LRP1B: variants seen among roughly 807,000 people sequenced by gnomAD.
The protein encoded by LRP1B is low-density lipoprotein receptor-related protein 1B.
LRP1B carries 217 observed loss-of-function variants against 556.6 expected under a neutral mutation model. The ratio of observed to expected loss-of-function variants is 0.39; its 90% CI spans 0.35 to 0.44. The LOEUF is 0.44. Ranked by LOEUF, LRP1B falls within the 20% of genes least tolerant of loss-of-function variation. The probability of loss-of-function intolerance (pLI) is 1.00; values close to 1 mark genes in which losing one functional copy is unlikely to be tolerated. For synonymous variants in LRP1B, 2,047 were observed against 1,865.8 expected (o/e 1.10, Z -2.50); for missense variants, 5,053 against 5,620.8 (o/e 0.90, Z 3.23).
At chr2:141,807,246 C>T (rs1281050789) in intron 2 of LRP1B, among the ~76,000 whole-genome samples, 1 of 147,024 alleles carries the variant, frequency 6.8e-6, no homozygotes, top group Non-Finnish European at 1.5e-5. Flanking sequence ...TTAAATTTGG[C>T]AAAGACTGAT....
rs115870540 is a variant in LRP1B at position 140,485,367 on chromosome 2, T to C, written c.9401A>G (p.Asp3134Gly). The C allele has an allele frequency of 3.2e-4, 519 of 1,611,352 alleles. 2 individuals are homozygous for C. In the African/African-American group the frequency reaches 5.9e-3, roughly 18 times the overall value. ...CCCAGCTTGAGGATCTAAAGACAAG[T>C]CTCTGGGAAACTTCAGCCTTTTGCT... Reference protein sequence around the residue: ...LVSKRLKFPRDLSLDPQAGYL... With the variant: ...LVSKRLKFPRGLSLDPQAGYL... Residue 3134 changes from aspartate (D) to glycine (G), a missense_variant, in exon 59 of 91, where the codon GAC becomes GGC. Coordinates refer to ENST00000389484, the MANE Select transcript of LRP1B (RefSeq NM_018557.3).
chr2:141,638,854 G>A (rs1428803988), intron 2 of LRP1B, among the ~76,000 whole-genome samples: 1 of 82,142 alleles, frequency 1.2e-5, no homozygotes, highest in African/African-American at 4.2e-5. Context: ...GAGACTGTAA[G>A]GTAGCCATAT....
chr2:141,618,609 T>G (rs1236538480), intron 2 of LRP1B, among the ~76,000 whole-genome samples: 2 of 152,204 alleles, frequency 1.3e-5, no homozygotes, highest in Admixed American at 1.3e-4. Context: ...GATCTGTCTC[T>G]CTATCCAGAA....
chr2:141,090,889 A>T (rs1352564865), intron 7 of LRP1B, among the ~76,000 whole-genome samples: 1 of 152,166 alleles, frequency 6.6e-6, no homozygotes, highest in Non-Finnish European at 1.5e-5. Context: ...TACTGATAAG[A>T]AGATTTGACT....
intron 18 of LRP1B, among the ~76,000 whole-genome samples, chr2:140,952,707 G>T (rs949235322): frequency 1.2e-4 from 19 of 152,090 alleles, no homozygotes; most frequent in Non-Finnish European, 2.4e-4. Flanking sequence ...AAATCTAAAA[G>T]ACAACACTGT....
chr2:141,741,610 A>C (rs2105543654), intron 2 of LRP1B, among the ~76,000 whole-genome samples: 1 of 152,156 alleles, frequency 6.6e-6, no homozygotes, highest in East Asian at 1.9e-4. Context: ...AGAAGTGTCT[A>C]TACAGATCTT....
chr2:141,524,223 C>T, intron 2 of LRP1B, among the ~76,000 whole-genome samples: 1 of 150,996 alleles, frequency 6.6e-6, no homozygotes, highest in East Asian at 1.9e-4. Context: ...AATAAAACTT[C>T]TATTCCATTG....
chr2:141,066,260 G>A (rs189336461), intron 7 of LRP1B, among the ~76,000 whole-genome samples: 9 of 151,918 alleles, frequency 5.9e-5, no homozygotes, highest in Admixed American at 2.0e-4. Context: ...TCATTATCCC[G>A]TCAGATATGG....
At chr2:141,044,994 A>T (rs185131457) in intron 11 of LRP1B, among the ~76,000 whole-genome samples, 31 of 151,774 alleles carry the variant, frequency 2.0e-4, no homozygotes, top group African/African-American at 7.2e-4. Flanking sequence ...AGCATTATTC[A>T]TGATAGCAAA....
intron 2 of LRP1B, among the ~76,000 whole-genome samples, chr2:141,807,824 G>A (rs1453683431): frequency 6.6e-6 from 1 of 152,034 alleles, no homozygotes; most frequent in Non-Finnish European, 1.5e-5. Flanking sequence ...ATTTTGAGTA[G>A]ATGCCTAATC....
intron 7 of LRP1B, among the ~76,000 whole-genome samples, chr2:141,133,296 T>TC (rs1701407157): frequency 6.8e-6 from 1 of 146,414 alleles, no homozygotes; most frequent in Admixed American, 6.9e-5. Flanking sequence ...GTCTCTTTTT[T>TC]TTTTTTTTCC....
chr2:141,012,314 T>C (rs1697776884), intron 14 of LRP1B, among the ~76,000 whole-genome samples: 1 of 152,036 alleles, frequency 6.6e-6, no homozygotes, highest in African/African-American at 2.4e-5. Flanking sequence ...TGATCGTATA[T>C]TGATTGGATT....
intron 3 of LRP1B, among the ~76,000 whole-genome samples, chr2:141,338,104 C>G (rs552163970): frequency 2.6e-5 from 4 of 152,290 alleles, no homozygotes; most frequent in Non-Finnish European, 5.9e-5. Context: ...CTTTGAAATG[C>G]TGTTCAGACC....
At chr2:141,284,976 C>T (rs1284437839) in intron 3 of LRP1B, among the ~76,000 whole-genome samples, 1 of 152,120 alleles carries the variant, frequency 6.6e-6, no homozygotes, top group Non-Finnish European at 1.5e-5. Context: ...ACCAACATGT[C>T]AATTTCTACA....
At chr2:140,493,744 A>C (rs1347920029) in intron 56 of LRP1B, among the ~76,000 whole-genome samples, 1 of 152,108 alleles carries the variant, frequency 6.6e-6, no homozygotes. Context: ...AATTGTTTGA[A>C]ATCATTATTT....
chr2:140,851,728 T>C lies in LRP1B; in HGVS notation c.4635A>G (p.Leu1545=), dbSNP rs749067927. ...DGKGPCSHMC[L]INHNRSAACA... ...AGGCAGCACTCCTATTGTGATTGAT[T>C]AGACACATGTGAGAGCAGGGGCCTT... is the stretch of plus-strand genomic sequence containing the variant. Residue 1545 remains leucine (L), a synonymous_variant, in exon 28 of 91, where the codon CTA becomes CTG. Coordinates refer to ENST00000389484, the MANE Select transcript of LRP1B (RefSeq NM_018557.3). 1 of 1,609,818 alleles carries C rather than the reference T, an allele frequency of 6.2e-7. No homozygotes were observed. The highest frequency in any genetic ancestry group is 1.1e-5 in the South Asian group (1 of 90,148).
chr2:140,998,238 C>G (rs541064099), intron 15 of LRP1B, among the ~76,000 whole-genome samples: 1 of 152,002 alleles, frequency 6.6e-6, no homozygotes, highest in Non-Finnish European at 1.5e-5. Flanking sequence ...AGTTGCTCTC[C>G]TGGGAGTAAG....
chr2:140,352,882 A>G, intron 76 of LRP1B, 71 bp downstream of exon 76: 1 of 1,436,648 alleles, frequency 7.0e-7, no homozygotes, highest in South Asian at 1.3e-5. Context: ...AATGAAATAT[A>G]AAACATTTTT....
chr2:141,613,230 G>A (rs1688172349), intron 2 of LRP1B, among the ~76,000 whole-genome samples: 1 of 151,806 alleles, frequency 6.6e-6, no homozygotes, highest in Non-Finnish European at 1.5e-5. Context: ...CTTTCTCTCT[G>A]GTAAGTACTT....
Sources: gnomAD v4.1 joint callset for allele counts (sites outside exome capture counted in the v4.1 genomes callset) on GRCh38, gnomAD v4.1.1 for gene constraint, MANE v1.5 for transcripts, NCBI Gene and HGNC (gene_info 2026-07-23, HGNC 2026-07-21) for gene names.